Variants in STARD6 observed in about 807,000 individuals in gnomAD.
The protein encoded by STARD6 is StAR related lipid transfer domain containing 6.
In STARD6, 21 loss-of-function variants were observed where a neutral mutation model predicts 22.3. The observed-to-expected ratio is 0.94, with a 90% CI of 0.67 to 1.35. The LOEUF is 1.35. Among genes scored for constraint, STARD6 ranks in the 40% most tolerant of loss-of-function variants. The pLI, the probability that STARD6 is intolerant of heterozygous loss-of-function variation, is 0.00. For synonymous variants in STARD6, 80 were observed against 88.1 expected (o/e 0.91, Z 0.52); for missense variants, 269 against 266.9 (o/e 1.01, Z -0.05).
At chr18:54,324,942 T>C in intron 7 of STARD6, 67 bp from the exon 8 acceptor site, 1 of 1,313,818 alleles carries the variant, frequency 7.6e-7, no homozygotes, top group East Asian at 2.7e-5. Context: ...CTTTACAGGT[T>C]TTTGGAGAGC....
intron 4 of STARD6, among the ~76,000 whole-genome samples, chr18:54,343,782 C>G (rs2089008319): frequency 1.3e-5 from 1 of 76,012 alleles, no homozygotes; most frequent in Non-Finnish European, 2.8e-5. Context: ...GGGGGGTCAG[C>G]CCCCCTGCCC....
At chr18:54,335,392 C>A (rs2088900353) in intron 5 of STARD6, among the ~76,000 whole-genome samples, 1 of 151,862 alleles carries the variant, frequency 6.6e-6, no homozygotes. Context: ...ATCGCGGTCA[C>A]CATATTAGCT....
At chr18:54,331,713 C>A in intron 6 of STARD6, 29 bp downstream of exon 6, 3 of 1,496,150 alleles carry the variant, frequency 2.0e-6, no homozygotes, top group Non-Finnish European at 2.8e-6. Flanking sequence ...GCAGTAATTC[C>A]AAGATATGGG....
In STARD6 at chr18:54,324,840, T is replaced by C; in HGVS notation, c.515A>G (p.Gln172Arg). ...PAYSKLVMFV[Q>R]TEMRGKLSPS... is the part of the protein sequence containing the mutation. Reference sequence around the variant, plus strand: ...GGACAATTTTCCTCTCATTTCTGTCTGGACAAACATCACTAGTTTGGAATA... The same window carrying C: ...GGACAATTTTCCTCTCATTTCTGTCCGGACAAACATCACTAGTTTGGAATA... The change falls in exon 8 of 8, where the codon CAG (glutamine) becomes CGG (arginine). Residue 172 changes from glutamine to arginine, a missense_variant. By Grantham distance (43) the Gln-to-Arg change is conservative (BLOSUM62 1). Transcript: ENST00000307844. The C allele has an allele frequency of 6.3e-7, 1 of 1,595,596 alleles. No individual in the cohort carries two copies.
chr18:54,329,513 A>G (rs1431906206), intron 6 of STARD6, 73 bp from the exon 7 acceptor site: 2 of 1,189,146 alleles, frequency 1.7e-6, no homozygotes, highest in African/African-American at 3.1e-5. Context: ...GCATATTTTT[A>G]GAAACATATA....
intron 7 of STARD6, 22 bp from the exon 8 acceptor site, chr18:54,324,897 A>G (rs953891540): frequency 6.8e-7 from 1 of 1,480,030 alleles, no homozygotes; most frequent in African/African-American, 1.4e-5. Flanking sequence ...AGAAGAGTTA[A>G]AAAAAGATAA....
intron 7 of STARD6, among the ~76,000 whole-genome samples, chr18:54,325,407 A>G (rs922685565): frequency 7.9e-5 from 12 of 152,194 alleles, no homozygotes; most frequent in African/African-American, 2.4e-4. Flanking sequence ...TGTACATACA[A>G]TCTACTTAAC....
At chr18:54,351,910 T>G (rs2089100855) in intron 4 of STARD6, among the ~76,000 whole-genome samples, 1 of 149,732 alleles carries the variant, frequency 6.7e-6, no homozygotes. Flanking sequence ...TTTTTTTTTT[T>G]TTTTTTTTTT....
rs765641776 is a variant in STARD6 at position 54,324,813 on chromosome 18, G to T, written c.542C>A (p.Pro181Gln). The change falls in exon 8 of 8, where the codon CCA becomes CAA. Residue 181 changes from proline to glutamine, a missense_variant. Physicochemically the swap from Pro to Gln is moderately conservative, Grantham distance 76 (BLOSUM62 -1). Coordinates refer to ENST00000307844, the MANE Select transcript of STARD6 (RefSeq NM_139171.2). ...AGGCATGGTTTTTTCAATTATTGAT[G>T]GGGACAATTTTCCTCTCATTTCTGT... ...VQTEMRGKLS[P>Q]SIIEKTMPSN... 6.2e-7 allele frequency: 1 copy of T among 1,605,516 alleles called. No individual in the cohort carries two copies. Among genetic ancestry groups the T allele is most frequent in the Admixed American group, 1.7e-5 (1 of 58,540 alleles).
At chr18:54,328,975 TA>T (rs2144665430) in intron 7 of STARD6, among the ~76,000 whole-genome samples, 1 of 152,266 alleles carries the variant, frequency 6.6e-6, no homozygotes, top group African/African-American at 2.4e-5. Context: ...TCATTACTGA[TA>T]AATGTTAAGT....
intron 4 of STARD6, among the ~76,000 whole-genome samples, chr18:54,340,117 A>G (rs976441130): frequency 6.6e-5 from 10 of 152,144 alleles, no homozygotes; most frequent in East Asian, 1.9e-4. Context: ...GTGTATTTAG[A>G]TGGGTAAGAT....
chr18:54,341,433 A>G (rs2088968622), intron 4 of STARD6, among the ~76,000 whole-genome samples: 1 of 152,164 alleles, frequency 6.6e-6, no homozygotes, highest in Non-Finnish European at 1.5e-5. Context: ...ACAACACTAG[A>G]TCTAAGAGAC....
chr18:54,329,044 A>G (rs2088845944), intron 7 of STARD6, among the ~76,000 whole-genome samples: 6 of 152,160 alleles, frequency 3.9e-5, no homozygotes, highest in Admixed American at 1.3e-4. Flanking sequence ...AATAATTTAC[A>G]GAAATGACTC....
chr18:54,326,752 T>C (rs1182135676), intron 7 of STARD6, among the ~76,000 whole-genome samples: 1 of 151,560 alleles, frequency 6.6e-6, no homozygotes, highest in Non-Finnish European at 1.5e-5. Flanking sequence ...ATTCTCAAAT[T>C]TTATTTTTAT....
chr18:54,338,009 G>A (rs1442750442), intron 4 of STARD6, among the ~76,000 whole-genome samples: 2 of 152,164 alleles, frequency 1.3e-5, no homozygotes, highest in Admixed American at 6.5e-5. Context: ...GGAAGGCTGT[G>A]TTTATGCACC....
At chr18:54,354,155 A>G (rs780585605) in intron 3 of STARD6, 52 bp from the exon 4 acceptor site, 1 of 1,174,294 alleles carries the variant, frequency 8.5e-7, no homozygotes, top group South Asian at 1.5e-5. Context: ...TGCAGGAAAA[A>G]TGAAAATGAA....
chr18:54,338,310 C>G (rs2088935611), intron 4 of STARD6, among the ~76,000 whole-genome samples: 1 of 152,152 alleles, frequency 6.6e-6, no homozygotes, highest in Non-Finnish European at 1.5e-5. Flanking sequence ...AAATCCAGAG[C>G]AAAACCACAA....
intron 6 of STARD6, 43 bp from the exon 7 acceptor site, chr18:54,329,483 A>G: frequency 6.9e-7 from 1 of 1,440,238 alleles, no homozygotes; most frequent in South Asian, 1.2e-5. Context: ...ATTCACAAAG[A>G]GGAAAAACTA....
intron 4 of STARD6, among the ~76,000 whole-genome samples, chr18:54,347,161 A>G (rs2089044564): frequency 6.6e-6 from 1 of 152,134 alleles, no homozygotes; most frequent in East Asian, 1.9e-4. Context: ...CTATTGCATA[A>G]AAACAATTAC....
Sources: allele counts gnomAD v4.1 joint callset (sites outside exome capture counted in the v4.1 genomes callset), GRCh38; gene constraint gnomAD v4.1.1; transcripts MANE v1.5; gene names NCBI Gene and HGNC (gene_info 2026-07-23, HGNC 2026-07-21).